DNAH17: variants seen among roughly 807,000 people sequenced by gnomAD.
DNAH17 encodes the protein axonemal beta dynein heavy chain 17.
DNAH17 carries 376 observed loss-of-function variants against 485.6 expected under a neutral mutation model. That is an observed-to-expected ratio of 0.77 (90% confidence interval 0.71 to 0.84). The LOEUF (loss-of-function observed/expected upper bound fraction) is 0.84, where lower values mean the gene tolerates loss of function less well. DNAH17 is among the 40% of genes least tolerant of loss of function. DNAH17 has a pLI of 0.00. For synonymous variants in DNAH17, 3,031 were observed against 2,405.9 expected, an observed-to-expected ratio of 1.26 and a Z score of -7.60; for missense variants, 6,370 against 5,839.3, an observed-to-expected ratio of 1.09 and a Z score of -2.96.
At chr17:78,576,500 G>A (rs2092434951) in intron 1 of DNAH17, among the ~76,000 whole-genome samples, 1 of 152,152 alleles carries the variant, frequency 6.6e-6, no homozygotes, top group African/African-American at 2.4e-5. Context: ...AGCACCGCGT[G>A]GCATTTATGG....
chr17:78,454,737 G>A (rs746794531), intron 63 of DNAH17, 32 bp from the exon 64 acceptor site: 34 of 1,563,602 alleles, frequency 2.2e-5, no homozygotes, highest in Middle Eastern at 1.7e-4. Flanking sequence ...CTTAGAGGGG[G>A]TAATGCGACC....
chr17:78,458,943 G>T, intron 61 of DNAH17, 58 bp downstream of exon 61: 1 of 1,562,786 alleles, frequency 6.4e-7, no homozygotes, highest in South Asian at 1.1e-5. Flanking sequence ...GGTATTGACT[G>T]GCAGCGCGAG....
At chr17:78,541,358 G>C (rs575786597) in intron 17 of DNAH17, among the ~76,000 whole-genome samples, 55 of 146,480 alleles carry the variant, frequency 3.8e-4, no homozygotes, top group African/African-American at 1.3e-3. Flanking sequence ...ACAGATGAAT[G>C]TGGTGGGTAG....
In DNAH17 at chr17:78,561,013, C is replaced by T. The variant is rs2092142250; in HGVS notation, c.1836-78G>A. On this transcript the variant is annotated intron_variant, in intron 12 of 80. Coordinates refer to ENST00000389840, the MANE Select transcript of DNAH17 (RefSeq NM_173628.4). The stretch of plus-strand genomic sequence containing the variant: ...CTTCGGCACGTCCCATCGTTGCTGC[C>T]CGATCTGGGGTGCCGAAGCGGCCGG... The T allele has an allele frequency of 4.3e-6, 6 of 1,409,496 alleles. No homozygotes were observed. In the Admixed American group the frequency reaches 6.3e-5, roughly 15 times the overall value. 87.3% of individuals were successfully genotyped at this position (1,409,496 alleles called of 1,614,324 possible).
chr17:78,530,530 C>T lies in DNAH17; in HGVS notation c.3115-18G>A, dbSNP rs780934408. ...GAGTCGATCTGGAAAACACGGCCAC[C>T]GGCGGCCTGTCATAGCCTGCAAGCC... On this transcript the variant is annotated intron_variant, in intron 20 of 80. Coordinates refer to ENST00000389840, the MANE Select transcript of DNAH17 (RefSeq NM_173628.4). 18 of 1,592,454 alleles carry T rather than the reference C, an allele frequency of 1.1e-5. No homozygotes were observed. Among genetic ancestry groups the T allele is most frequent in the East Asian group, 2.2e-5 (1 of 44,518 alleles).
Position 78,454,718 on chromosome 17 carries a change from G to A in DNAH17, c.10171-13C>T. 6.2e-7 allele frequency: 1 copy of A among 1,605,076 alleles called. No homozygotes were observed. Among genetic ancestry groups the A allele is most frequent in the Non-Finnish European group, 8.5e-7 (1 of 1,175,670 alleles). ...TCGGGATGGGGACCTGCCCAGGGAG[G>A]CACACTTTCTTAGAGGGGGTAATGC... On this transcript the variant is annotated splice_polypyrimidine_tract_variant and intron_variant, in intron 63 of 80. Transcript: ENST00000389840.
chr17:78,508,723 T>A lies in DNAH17; in HGVS notation c.4237-918A>T, dbSNP rs893385093. On this transcript the variant is annotated intron_variant, in intron 27 of 80. Coordinates refer to ENST00000389840, the MANE Select transcript of DNAH17 (RefSeq NM_173628.4). ...CATGTGAGAGGAAAGGGGTAGGGGA[T>A]GATGGCTAAAGGATATGGGTTTCTT... Among the ~76,000 whole-genome samples, 9 of 152,294 alleles carry A rather than the reference T, an allele frequency of 5.9e-5. No homozygotes were observed. The South Asian group carries it at 1.7e-3, about 28-fold the overall frequency.
chr17:78,425,534 G>GC lies in DNAH17; in HGVS notation c.12952_12953insG (p.Thr4318SerfsTer76). 6.2e-7 allele frequency: 1 copy of GC among 1,613,678 alleles called. No individual in the cohort carries two copies. Among genetic ancestry groups the GC allele is most frequent in the Non-Finnish European group, 8.5e-7 (1 of 1,179,814 alleles). Reference sequence around the variant, plus strand: ...GAAGAAGCCGGCCAGCCACACGGTGGTGGGCAGGGCAAAGTCTGTCGTCCA... The same window carrying GC: ...GAAGAAGCCGGCCAGCCACACGGTGGCTGGGCAGGGCAAAGTCTGTCGTCCA... On this transcript the variant is annotated frameshift_variant, in exon 80 of 81. Transcript: ENST00000389840. LOFTEE classifies it high-confidence loss of function.
At chr17:78,575,560 G>T (rs2092422169) in intron 1 of DNAH17, among the ~76,000 whole-genome samples, 1 of 152,154 alleles carries the variant, frequency 6.6e-6, no homozygotes, top group Non-Finnish European at 1.5e-5. Flanking sequence ...AGGCCGTGAG[G>T]CTCAGCGCTC....
At position 78,507,220 on chromosome 17, in the gene DNAH17, T is replaced by G. The variant is rs888537403; in HGVS notation, c.4676+58A>C. On this transcript the variant is annotated intron_variant, in intron 29 of 80. Transcript: ENST00000389840. ...CACAAGACTTAAGTTCCGTCAGACT[T>G]AAGACTTAGGGAATCTGCACCACTG... 3.1e-6 allele frequency: 5 copies of G among 1,593,284 alleles called. No individual in the cohort carries two copies. In the African/African-American group the frequency reaches 5.4e-5, roughly 17 times the overall value.
intron 19 of DNAH17, among the ~76,000 whole-genome samples, chr17:78,534,459 C>T (rs775964428): frequency 2.6e-5 from 4 of 152,182 alleles, no homozygotes; most frequent in Non-Finnish European, 4.4e-5. Flanking sequence ...TGAAGCTCCT[C>T]GTGGCTGCAG....
Position 78,461,728 on chromosome 17 carries a change from G to T in DNAH17, c.9175-20C>A. On this transcript the variant is annotated intron_variant, in intron 57 of 80. Transcript: ENST00000389840. ...ATCCACCTGGGGAAGGAGAAACCGA[G>T]AAACAGCAAGTGTGGGCCGCAGCCG... is the stretch of plus-strand genomic sequence containing the variant. The T allele has an allele frequency of 1.2e-6, 2 of 1,602,582 alleles. No homozygotes were observed. The highest frequency in any genetic ancestry group is 1.7e-6 in the Non-Finnish European group (2 of 1,174,740).
intron 19 of DNAH17, 94 bp from the exon 20 acceptor site, chr17:78,532,830 T>C (rs999262830): frequency 7.3e-7 from 1 of 1,375,512 alleles, no homozygotes; most frequent in Non-Finnish European, 9.7e-7. Context: ...TGGTTCTCTG[T>C]TGGCGAAAGG....
At chr17:78,490,874 G>A (rs1044820580) in intron 43 of DNAH17, 27 bp from the exon 44 acceptor site, 1 of 1,563,660 alleles carries the variant, frequency 6.4e-7, no homozygotes, top group Non-Finnish European at 8.7e-7. Context: ...AGCCCGTGGG[G>A]TCCTAAGGCG....
Position 78,501,731 on chromosome 17 carries a change from G to A in DNAH17, c.5322+11C>T. 6.2e-7 allele frequency: 1 copy of A among 1,611,282 alleles called. No individual in the cohort carries two copies. Among genetic ancestry groups the A allele is most frequent in the Non-Finnish European group, 8.5e-7 (1 of 1,179,534 alleles). ...CCCTTCCCCTGGCCCCTGGGACAGG[G>A]GCGCTCATGCCTTGGCCACGATCAT... On this transcript the variant is annotated intron_variant, in intron 34 of 80. Coordinates refer to ENST00000389840, the MANE Select transcript of DNAH17 (RefSeq NM_173628.4).
intron 35 of DNAH17, 69 bp downstream of exon 35, chr17:78,501,115 A>C: frequency 4.7e-6 from 7 of 1,480,024 alleles, no homozygotes; most frequent in Non-Finnish European, 5.4e-6. Flanking sequence ...TCCAAGTCGG[A>C]CAGTTCCAAG....
At chr17:78,527,054 A>C in intron 22 of DNAH17, 58 bp from the exon 23 acceptor site, 3 of 1,389,326 alleles carry the variant, frequency 2.2e-6, no homozygotes, top group Non-Finnish European at 2.9e-6. Context: ...TAAACCTTCT[A>C]TTGTGAAATA....
chr17:78,441,175 GCC>G lies in DNAH17; in HGVS notation c.11551_11552del (p.Gly3851GlnfsTer10). ...CACTCCGGCCTTCCACGAACTTGCT[GCC>G]CATCTTTTCCTCCACGAAGTTCCTA... Reference protein sequence around the residue: ...AIKNFVEEKMGSKFVEGRSVE... With the variant: ...AIKNFVEEKMXSKFVEGRSVE... On this transcript the variant is annotated frameshift_variant, in exon 72 of 81. Coordinates refer to ENST00000389840, the MANE Select transcript of DNAH17 (RefSeq NM_173628.4). LOFTEE classifies it high-confidence loss of function. 1 of 1,613,888 alleles carries G rather than the reference GCC, an allele frequency of 6.2e-7. No homozygotes were observed. The highest frequency in any genetic ancestry group is 8.5e-7 in the Non-Finnish European group (1 of 1,179,886).
chr17:78,432,169 C>A (rs2086697121), intron 75 of DNAH17, among the ~76,000 whole-genome samples: 1 of 149,014 alleles, frequency 6.7e-6, no homozygotes, highest in East Asian at 1.9e-4. Context: ...AACAGTGAGG[C>A]CCTGTCTCAA....
Sources: allele counts gnomAD v4.1 joint callset (sites outside exome capture counted in the v4.1 genomes callset), GRCh38; gene constraint gnomAD v4.1.1; transcripts MANE v1.5; gene names NCBI Gene and HGNC (gene_info 2026-07-23, HGNC 2026-07-21).